Variants in MTM1 observed in about 807,000 individuals in gnomAD.
MTM1 encodes the protein myotubularin.
Under a neutral mutation model 52.1 loss-of-function variants are expected in MTM1, and 9 were observed. The ratio of observed to expected loss-of-function variants is 0.17; its 90% confidence interval spans 0.10 to 0.30. The LOEUF (loss-of-function observed/expected upper bound fraction) is 0.30. Among genes scored for constraint, MTM1 ranks in the 10% least tolerant of loss-of-function variants. The pLI, the probability that MTM1 is intolerant of heterozygous loss-of-function variation, is 1.00. For synonymous variants in MTM1, 136 were observed against 163.8 expected, an observed-to-expected ratio of 0.83 and a Z score of 1.29; for missense variants, 277 against 470.7, an observed-to-expected ratio of 0.59 and a Z score of 3.81.
In MTM1 at chrX:150,614,527, G is replaced by GT. The variant is rs370386806; in HGVS notation, c.232-56dup. The GT allele has an allele frequency of 5.7e-5, 39 of 683,977 alleles. No homozygotes were observed. In the African/African-American group the frequency reaches 6.5e-4, roughly 11 times the overall value. The allele number at this position is 683,977 out of a possible 1,213,427, so 56.4% of individuals were successfully genotyped here. Reference sequence around the variant, plus strand: ...TGAAAGCATATGGTTGTTTTTATATGTTTTTTGATGTTTTAATTATACTGA... The same window carrying GT: ...TGAAAGCATATGGTTGTTTTTATATGTTTTTTTGATGTTTTAATTATACTGA... On this transcript the variant is annotated intron_variant, in intron 4 of 14. Coordinates refer to ENST00000370396, the MANE Select transcript of MTM1 (RefSeq NM_000252.3).
At chrX:150,668,897 T>A (rs912396180) in intron 14 of MTM1, among the ~76,000 whole-genome samples, 1 of 109,852 alleles carries the variant, frequency 9.1e-6, no homozygotes, top group Non-Finnish European at 1.9e-5. Context: ...TTTTTTCTTT[T>A]TTTTTCTTTT....
Position 150,662,798 on chromosome X carries a change from C to T in MTM1, c.1468-635C>T, listed in dbSNP as rs185082340. Among the ~76,000 whole-genome samples, 506 of 104,925 alleles carry T rather than the reference C, an allele frequency of 4.8e-3. 3 individuals are homozygous for T. Among genetic ancestry groups the T allele is most frequent in the African/African-American group, 0.017 (476 of 28,385 alleles). 91.1% of individuals were successfully genotyped at this position (104,925 alleles called of 115,157 possible). ...TGATGTTTTTTTTTTTTCTTCCTCT[C>T]TCTAGTTTATGGTCAAAATTTTGTA... On this transcript the variant is annotated intron_variant, in intron 13 of 14. Coordinates refer to ENST00000370396, the MANE Select transcript of MTM1 (RefSeq NM_000252.3).
At chrX:150,627,108 G>T (rs797032403) in intron 6 of MTM1, among the ~76,000 whole-genome samples, 2 of 111,153 alleles carry the variant, frequency 1.8e-5, no homozygotes, top group Non-Finnish European at 3.8e-5. Flanking sequence ...TTCCCCGCTC[G>T]CATCCATTCA....
chrX:150,592,493 C>A, intron 1 of MTM1, 112 bp from the exon 2 acceptor site: 1 of 572,469 alleles, frequency 1.7e-6, no homozygotes, highest in Non-Finnish European at 3.0e-6. Flanking sequence ...GGAAATAGAA[C>A]CTGTAAAGTA....
At chrX:150,565,500 A>G (rs930641564), upstream of MTM1, among the ~76,000 whole-genome samples, 9 of 111,773 alleles carry the variant, frequency 8.1e-5, no homozygotes, top group Non-Finnish European at 1.5e-4. Context: ...GGCCCAATAC[A>G]TTGAACCTGG....
At chrX:150,614,740 G>A (rs781923845) in intron 5 of MTM1, 41 bp downstream of exon 5, 2 of 724,324 alleles carry the variant, frequency 2.8e-6, no homozygotes, top group African/African-American at 2.1e-5. Flanking sequence ...AACAAGGCAC[G>A]TTAGTGTTGA....
chrX:150,580,611 C>T (rs782080976), intron 1 of MTM1, among the ~76,000 whole-genome samples: 1 of 110,042 alleles, frequency 9.1e-6, no homozygotes, highest in African/African-American at 3.3e-5. Flanking sequence ...AAAATATGTA[C>T]GTTCAGTCCT....
chrX:150,581,741 G>A (rs782807579), intron 1 of MTM1, among the ~76,000 whole-genome samples: 3 of 111,832 alleles, frequency 2.7e-5, no homozygotes, highest in African/African-American at 6.5e-5. Context: ...TGAGAGGGCC[G>A]GTCAGATTGC....
intron 14 of MTM1, among the ~76,000 whole-genome samples, chrX:150,665,022 T>G (rs1557414863): frequency 8.9e-6 from 1 of 112,101 alleles, no homozygotes; most frequent in African/African-American, 3.2e-5. Flanking sequence ...GAAGAACTTC[T>G]TAGAATGTAT....
At chrX:150,657,364 G>T (rs782694487) in intron 10 of MTM1, among the ~76,000 whole-genome samples, 103 of 108,870 alleles carry the variant, frequency 9.5e-4, no homozygotes, top group Non-Finnish European at 1.8e-3. Context: ...TCAGCAAACT[G>T]TCGCAAGGAC....
At chrX:150,601,462 G>A in intron 4 of MTM1, among the ~76,000 whole-genome samples, 1 of 112,493 alleles carries the variant, frequency 8.9e-6, no homozygotes, top group Non-Finnish European at 1.9e-5. Flanking sequence ...TTGACAAAAA[G>A]CTGTCATCTC....
At chrX:150,628,527 A>T (rs1557413469) in intron 6 of MTM1, among the ~76,000 whole-genome samples, 1 of 99,547 alleles carries the variant, frequency 1.0e-5, no homozygotes, top group East Asian at 2.9e-4. Flanking sequence ...TGGCTTCCAA[A>T]TATAAAGCAT....
chrX:150,583,579 TAA>T lies in MTM1; in HGVS notation c.-10-9025_-10-9024del, dbSNP rs1270476185. ...TTATATATAATATATAATTTATATATAATATATATAATTTATATATAATATAT... is the reference window on the plus strand; with the variant it reads ...TTATATATAATATATAATTTATATATTATATATAATTTATATATAATATAT... On this transcript the variant is annotated intron_variant, in intron 1 of 14. Coordinates refer to ENST00000370396, the MANE Select transcript of MTM1 (RefSeq NM_000252.3). 2.4e-4 allele frequency among the ~76,000 whole-genome samples: 6 copies of T among 25,418 alleles called. 2 individuals are homozygous for T. The East Asian group carries it at 5.1e-3, about 22-fold the overall frequency. The allele number at this position is 25,418 out of a possible 115,157, so 22.1% of individuals were successfully genotyped here. A position where few individuals can be genotyped will look rare whatever the true frequency, so the allele number is the denominator to read the frequency against.
intron 4 of MTM1, among the ~76,000 whole-genome samples, chrX:150,605,551 C>T (rs2039141520): frequency 8.9e-6 from 1 of 112,490 alleles, no homozygotes; most frequent in Admixed American, 9.4e-5. Context: ...TTTGATGGCT[C>T]TTTTGTTGAT....
At chrX:150,667,032 A>G (rs2040314695) in intron 14 of MTM1, among the ~76,000 whole-genome samples, 1 of 111,533 alleles carries the variant, frequency 9.0e-6, no homozygotes. Flanking sequence ...CCCTGATGCT[A>G]CCTTTACTTC....
At chrX:150,634,688 C>A (rs911137209) in intron 6 of MTM1, among the ~76,000 whole-genome samples, 16 of 111,088 alleles carry the variant, frequency 1.4e-4, no homozygotes, top group Non-Finnish European at 2.1e-4. Context: ...TGCCCAAATA[C>A]TAATATAGAG....
intron 9 of MTM1, among the ~76,000 whole-genome samples, chrX:150,647,826 A>G (rs1296562613): frequency 3.6e-5 from 4 of 112,412 alleles, no homozygotes; most frequent in South Asian, 3.6e-4. Flanking sequence ...GATTGGTAAG[A>G]TCTAGCAGCA....
chrX:150,617,987 C>T (rs1186199522), intron 5 of MTM1, among the ~76,000 whole-genome samples: 2 of 111,581 alleles, frequency 1.8e-5, no homozygotes, highest in African/African-American at 6.5e-5. Context: ...TAGAATGTTA[C>T]ATCTGTATAT....
intron 10 of MTM1, among the ~76,000 whole-genome samples, chrX:150,650,740 G>A (rs1176382968): frequency 9.0e-6 from 1 of 111,200 alleles, no homozygotes. Flanking sequence ...AAATGGTTCT[G>A]TTTTCTCTTC....
Sources: gnomAD v4.1 joint callset for allele counts (sites outside exome capture counted in the v4.1 genomes callset) on GRCh38, gnomAD v4.1.1 for gene constraint, MANE v1.5 for transcripts, NCBI Gene and HGNC (gene_info 2026-07-23, HGNC 2026-07-21) for gene names.